URB1: variants seen among roughly 807,000 people sequenced by gnomAD.
The protein encoded by URB1 is nucleolar pre-ribosomal-associated protein 1.
URB1 carries 197 observed loss-of-function variants against 242.3 expected under a neutral mutation model. The ratio of observed to expected loss-of-function variants is 0.81; its 90% confidence interval spans 0.72 to 0.91. The LOEUF is 0.91. Ranked by LOEUF, URB1 falls within the 40% of genes least tolerant of loss-of-function variation. The probability of loss-of-function intolerance (pLI) is 0.00; values close to 1 mark genes in which losing one functional copy is unlikely to be tolerated. For missense variants in URB1, 2,721 were observed against 2,860.5 expected, an observed-to-expected ratio of 0.95 and a Z score of 1.11; for synonymous variants, 1,153 against 1,201.8, an observed-to-expected ratio of 0.96 and a Z score of 0.84.
rs2033538262 is a variant in URB1, at chr21:32,382,570, G to A, written c.567+852C>T. Reference sequence around the variant, plus strand: ...CAGAACAAGGCAGCACACTGTTATAGAAGTGAATTATTCTAATGTGGTTCT... The same window carrying A: ...CAGAACAAGGCAGCACACTGTTATAAAAGTGAATTATTCTAATGTGGTTCT... On this transcript the variant is annotated intron_variant, in intron 4 of 38. Transcript: ENST00000382751. Among the ~76,000 whole-genome samples the A allele has an allele frequency of 2.0e-5, 3 of 152,156 alleles. No homozygotes were observed. The South Asian group carries it at 6.2e-4, about 32-fold the overall frequency.
intron 37 of URB1, among the ~76,000 whole-genome samples, chr21:32,317,313 G>A (rs765259341): frequency 6.6e-6 from 1 of 152,226 alleles, no homozygotes; most frequent in South Asian, 2.1e-4. Flanking sequence ...TTTAAACACA[G>A]GGAATCAGGA....
chr21:32,331,597 A>G (rs76263452), intron 30 of URB1, among the ~76,000 whole-genome samples: 1,602 of 152,324 alleles, frequency 0.011, 34 homozygotes, highest in East Asian at 0.087. Flanking sequence ...TCAAGTCAGC[A>G]ACCTGGAAAC....
chr21:32,319,081 T>C, intron 36 of URB1, 136 bp downstream of exon 36: 1 of 784,418 alleles, frequency 1.3e-6, no homozygotes, highest in Non-Finnish European at 1.9e-6. Flanking sequence ...ACTGGTGCTC[T>C]GCCCCAATCC....
At chr21:32,340,346 T>C (rs1198054079) in intron 25 of URB1, among the ~76,000 whole-genome samples, 9 of 152,222 alleles carry the variant, frequency 5.9e-5, no homozygotes. Context: ...GCACAGTGGC[T>C]TACGCCTGTA....
chr21:32,371,830 AT>A (rs766386095), intron 8 of URB1, among the ~76,000 whole-genome samples: 1 of 150,714 alleles, frequency 6.6e-6, no homozygotes, highest in Non-Finnish European at 1.5e-5. Flanking sequence ...AAAAAAAAAA[AT>A]CACATAGACC....
At chr21:32,353,581 G>A (rs141146041) in intron 18 of URB1, among the ~76,000 whole-genome samples, 33 of 152,316 alleles carry the variant, frequency 2.2e-4, no homozygotes, top group Non-Finnish European at 2.6e-4. Context: ...TTGGGTCTAA[G>A]TTGCCTGGAA....
chr21:32,369,241 T>C (rs1243887363), intron 8 of URB1, among the ~76,000 whole-genome samples: 1 of 152,122 alleles, frequency 6.6e-6, no homozygotes, highest in Non-Finnish European at 1.5e-5. Context: ...TGCCTGCCTA[T>C]AGTCCTAGCT....
chr21:32,368,916 C>T (rs1262468345), intron 8 of URB1, among the ~76,000 whole-genome samples: 1 of 152,172 alleles, frequency 6.6e-6, no homozygotes, highest in African/African-American at 2.4e-5. Context: ...TCTCGCTCTA[C>T]CTCAGCCACC....
In URB1 at chr21:32,357,419, T is replaced by C. The variant is rs1322491682; in HGVS notation, c.1989+118A>G. 21 of 1,182,090 alleles carry C rather than the reference T, an allele frequency of 1.8e-5. No homozygotes were observed. In the Admixed American group the frequency reaches 8.4e-4, roughly 47 times the overall value. The allele number at this position is 1,182,090 out of a possible 1,614,324, so 73.2% of individuals were successfully genotyped here. A position where few individuals can be genotyped will look rare whatever the true frequency, so the allele number is the denominator to read the frequency against. On this transcript the variant is annotated intron_variant, in intron 15 of 38. Transcript: ENST00000382751. ...TAAACTGCCATAAAACCTTCTATTT[T>C]AAAACTAAAAACAATTCCAATACCT...
At position 32,312,129 on chromosome 21, in the gene URB1, G is replaced by A. The variant is rs1460696721; in HGVS notation, c.*2789C>T. 3.9e-6 allele frequency: 6 copies of A among 1,548,186 alleles called. No homozygotes were observed. Among genetic ancestry groups the A allele is most frequent in the Non-Finnish European group, 5.2e-6 (6 of 1,153,396 alleles). ...ACCTAGGTCAAGTGCAACTAGAGCA[G>A]GAGCATCCTATGCCTTTGACAAAGA... On this transcript the variant is annotated 3_prime_UTR_variant, in exon 39 of 39. Transcript: ENST00000382751.
intron 29 of URB1, among the ~76,000 whole-genome samples, chr21:32,333,623 T>C (rs868775362): frequency 6.6e-6 from 1 of 152,240 alleles, no homozygotes. Flanking sequence ...ATACATAGCA[T>C]GCAGGTAACT....
intron 25 of URB1, 31 bp downstream of exon 25, chr21:32,341,435 G>A (rs554041895): frequency 1.2e-5 from 18 of 1,549,478 alleles, no homozygotes; most frequent in Middle Eastern, 3.3e-4. Context: ...CACCTTTACC[G>A]AAGGGCACCA....
chr21:32,353,615 A>G (rs539809642), intron 18 of URB1, among the ~76,000 whole-genome samples: 32 of 152,234 alleles, frequency 2.1e-4, no homozygotes, highest in Non-Finnish European at 3.8e-4. Flanking sequence ...TGAAGGATTC[A>G]TCCTCTACAT....
chr21:32,312,437 C>G lies in URB1; in HGVS notation c.*2481G>C, dbSNP rs2032604725. Reference sequence around the variant, plus strand: ...CTCCACTAACACCCGCCGGCTCCCCCAGATGTGATGGCATCTGCCCTGCCA... The same window carrying G: ...CTCCACTAACACCCGCCGGCTCCCCGAGATGTGATGGCATCTGCCCTGCCA... On this transcript the variant is annotated 3_prime_UTR_variant, in exon 39 of 39. Coordinates refer to ENST00000382751, the MANE Select transcript of URB1 (RefSeq NM_014825.3). 3.1e-6 allele frequency: 2 copies of G among 652,186 alleles called. No individual in the cohort carries two copies. Among genetic ancestry groups the G allele is most frequent in the African/African-American group, 1.9e-5 (1 of 52,684 alleles). The allele number at this position is 652,186 out of a possible 1,614,324, so 40.4% of individuals were successfully genotyped here. A position where few individuals can be genotyped will look rare whatever the true frequency, so the allele number is the denominator to read the frequency against.
rs1023479363 is a variant in URB1, at chr21:32,372,639, G to A, written c.877-8C>T. The A allele has an allele frequency of 8.4e-6, 13 of 1,543,644 alleles. No individual in the cohort carries two copies. The highest frequency in any genetic ancestry group is 1.1e-5 in the Non-Finnish European group (13 of 1,144,848). The stretch of plus-strand genomic sequence containing the variant: ...TGCTTCTTCGGCAGAAACCTATGAA[G>A]ATTTTTTAAAAATTCAATGAAAATC... On this transcript the variant is annotated splice_region_variant and splice_polypyrimidine_tract_variant and intron_variant, in intron 7 of 38. Coordinates refer to ENST00000382751, the MANE Select transcript of URB1 (RefSeq NM_014825.3).
At chr21:32,331,228 T>C (rs999102558) in intron 30 of URB1, among the ~76,000 whole-genome samples, 1 of 152,052 alleles carries the variant, frequency 6.6e-6, no homozygotes, top group African/African-American at 2.4e-5. Flanking sequence ...TAGGAAAACA[T>C]GAGGAACTGC....
In URB1 at chr21:32,363,321, GC is replaced by G. The variant is rs1055438929; in HGVS notation, c.1343del (p.Ser448ThrfsTer4). On this transcript the variant is annotated frameshift_variant, in exon 11 of 39. Transcript: ENST00000382751. LOFTEE classifies it high-confidence loss of function. ...ATAAGGCTGTGTGCCTCACTGAGGT[GC>G]TGTCCAACTGGGAAGAAAAAGAGTT... ...SMFTQALNLD[S>X]TSVRHTALSL... The G allele has an allele frequency of 1.9e-6, 3 of 1,551,338 alleles. No individual in the cohort carries two copies. The highest frequency in any genetic ancestry group is 2.6e-6 in the Non-Finnish European group (3 of 1,147,000).
Position 32,311,538 on chromosome 21 carries a change from G to A in URB1, c.*3380C>T, listed in dbSNP as rs2032571542. Reference sequence around the variant, plus strand: ...CTAGAATGGCCACCTTTGTGAGCTGGCTGACCCTTCTCAGGAATTTGCCTG... The same window carrying A: ...CTAGAATGGCCACCTTTGTGAGCTGACTGACCCTTCTCAGGAATTTGCCTG... On this transcript the variant is annotated 3_prime_UTR_variant, in exon 39 of 39. Coordinates refer to ENST00000382751, the MANE Select transcript of URB1 (RefSeq NM_014825.3). 8.4e-6 allele frequency: 10 copies of A among 1,190,624 alleles called. No individual in the cohort carries two copies. Among genetic ancestry groups the A allele is most frequent in the Non-Finnish European group, 1.1e-5 (9 of 854,772 alleles). 73.8% of individuals were successfully genotyped at this position (1,190,624 alleles called of 1,614,324 possible).
At chr21:32,368,354 C>T in intron 9 of URB1, 49 bp downstream of exon 9, 1 of 1,470,932 alleles carries the variant, frequency 6.8e-7, no homozygotes, top group South Asian at 1.4e-5. Flanking sequence ...AGGCATGAGC[C>T]ACCACGCCCA....
Sources: allele counts gnomAD v4.1 joint callset (sites outside exome capture counted in the v4.1 genomes callset), GRCh38; gene constraint gnomAD v4.1.1; transcripts MANE v1.5; gene names NCBI Gene and HGNC (gene_info 2026-07-23, HGNC 2026-07-21).